Variants in CSMD1 observed in about 807,000 individuals in gnomAD.
CSMD1 encodes CUB and sushi domain-containing protein 1.
In CSMD1, 213 loss-of-function variants were observed where a neutral mutation model predicts 417.5. The ratio of observed to expected loss-of-function variants is 0.51; its 90% CI spans 0.46 to 0.57. The LOEUF is 0.57. Ranked by LOEUF, CSMD1 falls within the 20% of genes least tolerant of loss-of-function variation. The probability of loss-of-function intolerance (pLI) is 0.00; values close to 1 mark genes in which losing one functional copy is unlikely to be tolerated. For synonymous variants in CSMD1, 2,862 were observed against 1,736.8 expected, an observed-to-expected ratio of 1.65 and a Z score of -16.11; for missense variants, 6,923 against 4,529.7, an observed-to-expected ratio of 1.53 and a Z score of -15.17.
rs1340872069 is a variant in CSMD1 at position 3,935,069 on chromosome 8, C to G, written c.818+62834G>C. 4.6e-5 allele frequency among the ~76,000 whole-genome samples: 7 copies of G among 152,240 alleles called. No homozygotes were observed. In the East Asian group the frequency reaches 1.2e-3, roughly 25 times the overall value. On this transcript the variant is annotated intron_variant, in intron 5 of 69. Coordinates refer to ENST00000635120, the MANE Select transcript of CSMD1 (RefSeq NM_033225.6). ...CTTTTGCATTGCACTGGCTTCATAACTACAATATGCTTACATCTAATACTT... is the reference window on the plus strand; with the variant it reads ...CTTTTGCATTGCACTGGCTTCATAAGTACAATATGCTTACATCTAATACTT...
At chr8:4,281,657 A>C (rs1249837625) in intron 3 of CSMD1, among the ~76,000 whole-genome samples, 2 of 152,198 alleles carry the variant, frequency 1.3e-5, no homozygotes, top group East Asian at 1.9e-4. Context: ...CTTGACATAT[A>C]ATTCTATATA....
intron 10 of CSMD1, among the ~76,000 whole-genome samples, chr8:3,546,240 T>C (rs1798656702): frequency 1.3e-5 from 2 of 151,266 alleles, no homozygotes; most frequent in South Asian, 2.1e-4. Context: ...GTGCCCTCAA[T>C]GGCTGGCCAC....
chr8:4,168,146 T>TATAC (rs1466885191), intron 3 of CSMD1, among the ~76,000 whole-genome samples: 2 of 149,388 alleles, frequency 1.3e-5, no homozygotes, highest in African/African-American at 5.0e-5. Context: ...AAAAAAAATA[T>TATAC]ACACACACAC....
chr8:2,982,305 G>A (rs1005389580), intron 54 of CSMD1, among the ~76,000 whole-genome samples: 14 of 152,150 alleles, frequency 9.2e-5, no homozygotes, highest in Non-Finnish European at 1.5e-4. Context: ...GCAGTGAGCC[G>A]AGATCATGCC....
chr8:4,288,122 GT>G (rs1328129209), intron 3 of CSMD1, among the ~76,000 whole-genome samples: 1 of 152,096 alleles, frequency 6.6e-6, no homozygotes, highest in Admixed American at 6.6e-5. Flanking sequence ...CATGCTTTCT[GT>G]TCCTGCAGCA....
intron 5 of CSMD1, among the ~76,000 whole-genome samples, chr8:3,991,611 A>T (rs1258028147): frequency 1.3e-5 from 2 of 152,222 alleles, no homozygotes; most frequent in African/African-American, 2.4e-5. Context: ...ACAGTAACAG[A>T]GATGACTACA....
chr8:3,928,222 A>G lies in CSMD1; in HGVS notation c.818+69681T>C, dbSNP rs537329394. Among the ~76,000 whole-genome samples, 11 of 152,330 alleles carry G rather than the reference A, an allele frequency of 7.2e-5. No individual in the cohort carries two copies. The South Asian group carries it at 1.4e-3, about 20-fold the overall frequency. On this transcript the variant is annotated intron_variant, in intron 5 of 69. Coordinates refer to ENST00000635120, the MANE Select transcript of CSMD1 (RefSeq NM_033225.6). ...TTAATGTAATAATACTGAAAGGAAA[A>G]TAGAAATAGTAGGTATAATTAATAC...
rs550128122 is a variant in CSMD1 at position 3,942,503 on chromosome 8, G to A, written c.818+55400C>T. Among the ~76,000 whole-genome samples the A allele has an allele frequency of 3.9e-5, 6 of 152,198 alleles. No homozygotes were observed. In the South Asian group the frequency reaches 1.2e-3, roughly 32 times the overall value. On this transcript the variant is annotated intron_variant, in intron 5 of 69. Coordinates refer to ENST00000635120, the MANE Select transcript of CSMD1 (RefSeq NM_033225.6). The stretch of plus-strand genomic sequence containing the variant: ...TGCCTGGATGAGCAATTTACCTTCA[G>A]GGACTATAACCCTCAACCCAGGAGG...
chr8:4,943,533 TA>T (rs34371470), intron 1 of CSMD1, among the ~76,000 whole-genome samples: 75,965 of 148,824 alleles, frequency 0.51, 20,805 homozygotes, highest in East Asian at 0.79. Context: ...TAAAATAAAA[TA>T]AAATAAAATC....
At chr8:2,942,642 T>A (rs951761982) in intron 68 of CSMD1, 38 bp from the exon 69 acceptor site, 1 of 1,479,640 alleles carries the variant, frequency 6.8e-7, no homozygotes, top group Non-Finnish European at 9.1e-7. Context: ...GTTGTTACTG[T>A]ACTCTGCTTA....
intron 4 of CSMD1, among the ~76,000 whole-genome samples, chr8:4,027,342 C>T (rs1335716467): frequency 3.9e-5 from 6 of 152,136 alleles, no homozygotes; most frequent in Non-Finnish European, 7.4e-5. Context: ...TGTGTCCTCA[C>T]CGAAAATTTC....
intron 5 of CSMD1, among the ~76,000 whole-genome samples, chr8:3,771,133 A>C (rs1349854662): frequency 6.6e-6 from 1 of 152,132 alleles, no homozygotes; most frequent in African/African-American, 2.4e-5. Flanking sequence ...TTGTGAACAA[A>C]AAATAAAACA....
intron 5 of CSMD1, among the ~76,000 whole-genome samples, chr8:3,894,632 C>G (rs778124656): frequency 1.3e-5 from 2 of 152,102 alleles, no homozygotes; most frequent in African/African-American, 4.8e-5. Flanking sequence ...AGTGCTAAGG[C>G]TAAACAAGAC....
chr8:3,797,098 A>C (rs760428094), intron 5 of CSMD1, among the ~76,000 whole-genome samples: 16 of 151,942 alleles, frequency 1.1e-4, no homozygotes, highest in Admixed American at 6.6e-5. Context: ...TTAATGGGTG[A>C]ACATTTAAAA....
intron 1 of CSMD1, among the ~76,000 whole-genome samples, chr8:4,929,059 G>C (rs1328599316): frequency 6.6e-6 from 1 of 152,092 alleles, no homozygotes; most frequent in Admixed American, 6.5e-5. Flanking sequence ...GTGACAAAGT[G>C]ACACTCTATC....
intron 21 of CSMD1, among the ~76,000 whole-genome samples, chr8:3,356,404 C>G (rs1418667585): frequency 6.6e-6 from 1 of 152,186 alleles, no homozygotes; most frequent in Non-Finnish European, 1.5e-5. Context: ...AGGCCGGGCA[C>G]TGTGGCTCAC....
At chr8:4,732,003 C>T (rs1431486110) in intron 1 of CSMD1, among the ~76,000 whole-genome samples, 3 of 152,174 alleles carry the variant, frequency 2.0e-5, no homozygotes, top group East Asian at 1.9e-4. Flanking sequence ...AGAGAAAAAA[C>T]GAGAAGACTG....
chr8:4,185,983 A>C (rs781370033), intron 3 of CSMD1, among the ~76,000 whole-genome samples: 4 of 152,184 alleles, frequency 2.6e-5, no homozygotes, highest in African/African-American at 9.7e-5. Flanking sequence ...ATTCTTAACA[A>C]GTCCACCTAT....
chr8:4,361,214 G>A (rs553969908), intron 3 of CSMD1, among the ~76,000 whole-genome samples: 1 of 152,204 alleles, frequency 6.6e-6, no homozygotes, highest in African/African-American at 2.4e-5. Context: ...CTGGTTTTCA[G>A]TGGAATACCT....
Sources: allele counts gnomAD v4.1 joint callset (sites outside exome capture counted in the v4.1 genomes callset), GRCh38; gene constraint gnomAD v4.1.1; transcripts MANE v1.5; gene names NCBI Gene and HGNC (gene_info 2026-07-23, HGNC 2026-07-21).